The following CCDC191 variants were observed in gnomAD, a reference collection of about 807,000 sequenced individuals.
The protein encoded by CCDC191 is coiled-coil domain-containing protein 191.
Under a neutral mutation model 114.0 loss-of-function variants are expected in CCDC191, and 99 were observed. That is an observed-to-expected ratio of 0.87 (90% confidence interval 0.74 to 1.03). CCDC191 has a LOEUF of 1.03. CCDC191 is among the 50% of genes least tolerant of loss of function. The probability of loss-of-function intolerance (pLI) is 0.00; values close to 1 mark genes in which losing one functional copy is unlikely to be tolerated. For synonymous variants in CCDC191, 351 were observed against 376.0 expected (o/e 0.93, Z 0.77); for missense variants, 973 against 1,087.0 (o/e 0.90, Z 1.47).
chr3:114,049,777 T>C (rs760465874), intron 2 of CCDC191, among the ~76,000 whole-genome samples: 5 of 152,236 alleles, frequency 3.3e-5, no homozygotes, highest in Non-Finnish European at 5.9e-5. Context: ...AATCTCTATA[T>C]TTGTTTGTGT....
chr3:114,038,711 A>C (rs2076520499), intron 4 of CCDC191, among the ~76,000 whole-genome samples: 1 of 152,214 alleles, frequency 6.6e-6, no homozygotes, highest in African/African-American at 2.4e-5. Context: ...CATAAAAAGG[A>C]ATGAGATCAT....
intron 16 of CCDC191, among the ~76,000 whole-genome samples, chr3:113,968,756 G>C (rs1471160435): frequency 6.6e-6 from 1 of 151,962 alleles, no homozygotes; most frequent in Non-Finnish European, 1.5e-5. Context: ...CACTATAATG[G>C]ACTTGCCCAT....
At chr3:114,013,199 T>C (rs2076101627) in intron 8 of CCDC191, among the ~76,000 whole-genome samples, 1 of 151,922 alleles carries the variant, frequency 6.6e-6, no homozygotes, top group African/African-American at 2.4e-5. Context: ...TGAGCCGAGA[T>C]TGTGCCACTG....
chr3:113,989,737 C>A (rs1577362564), intron 13 of CCDC191, among the ~76,000 whole-genome samples: 2 of 152,094 alleles, frequency 1.3e-5, no homozygotes, highest in East Asian at 3.9e-4. Flanking sequence ...TGTAATCTTA[C>A]CACTTTGGGA....
At chr3:114,028,932 G>A (rs897584429) in intron 7 of CCDC191, among the ~76,000 whole-genome samples, 1 of 150,588 alleles carries the variant, frequency 6.6e-6, no homozygotes, top group Non-Finnish European at 1.5e-5. Context: ...ATGTATGTTA[G>A]TATACATACA....
At chr3:114,044,309 G>A (rs2107751427) in intron 3 of CCDC191, among the ~76,000 whole-genome samples, 1 of 152,228 alleles carries the variant, frequency 6.6e-6, no homozygotes, top group Admixed American at 6.5e-5. Context: ...CAAAGAGTGT[G>A]ATATCCTGAA....
At chr3:114,046,835 G>C in intron 2 of CCDC191, 103 bp from the exon 3 acceptor site, 1 of 1,411,354 alleles carries the variant, frequency 7.1e-7, no homozygotes, top group Non-Finnish European at 9.2e-7. Flanking sequence ...CACCTACTAA[G>C]ATTCGTTCAT....
At chr3:114,011,776 T>G (rs1224974912) in intron 8 of CCDC191, among the ~76,000 whole-genome samples, 1 of 152,184 alleles carries the variant, frequency 6.6e-6, no homozygotes, top group Non-Finnish European at 1.5e-5. Context: ...GGTTGGGATG[T>G]GGTGTTACTG....
intron 2 of CCDC191, among the ~76,000 whole-genome samples, chr3:114,047,901 GGA>G (rs1357848805): frequency 6.6e-6 from 1 of 152,018 alleles, no homozygotes; most frequent in Non-Finnish European, 1.5e-5. Flanking sequence ...CTTGAACCCG[GGA>G]GGCAGAGGTT....
At chr3:113,972,269 T>A (rs2107575143) in intron 16 of CCDC191, among the ~76,000 whole-genome samples, 1 of 152,260 alleles carries the variant, frequency 6.6e-6, no homozygotes, top group Non-Finnish European at 1.5e-5. Context: ...GATTTTGATC[T>A]ATGATATTTC....
chr3:114,029,269 T>C (rs1258096890), intron 7 of CCDC191, among the ~76,000 whole-genome samples: 1 of 152,094 alleles, frequency 6.6e-6, no homozygotes, highest in East Asian at 1.9e-4. Context: ...ATAGACACGT[T>C]GAAACAATCT....
At chr3:113,996,193 G>A (rs1304628547) in intron 13 of CCDC191, among the ~76,000 whole-genome samples, 2 of 152,098 alleles carry the variant, frequency 1.3e-5, no homozygotes, top group Non-Finnish European at 2.9e-5. Context: ...CCATGCCTAT[G>A]TCCTGAATGG....
rs375228287 is a variant in CCDC191, at chr3:114,056,491, G to T, written c.-25C>A. On this transcript the variant is annotated 5_prime_UTR_variant, in exon 1 of 17. Coordinates refer to ENST00000295878, the MANE Select transcript of CCDC191 (RefSeq NM_020817.2). ...TTTTCCAAGTTCGAGCCCGAACCTCGGCCAAAGCTGCAGCAACCGCCCTTC... is the reference window on the plus strand; with the variant it reads ...TTTTCCAAGTTCGAGCCCGAACCTCTGCCAAAGCTGCAGCAACCGCCCTTC... 2 of 1,613,762 alleles carry T rather than the reference G, an allele frequency of 1.2e-6. No individual in the cohort carries two copies. The highest frequency in any genetic ancestry group is 1.3e-5 in the African/African-American group (1 of 74,902).
chr3:113,968,318 A>G (rs1940423918), intron 16 of CCDC191, among the ~76,000 whole-genome samples: 1 of 152,212 alleles, frequency 6.6e-6, no homozygotes, highest in Non-Finnish European at 1.5e-5. Flanking sequence ...CTTTGATAAA[A>G]GCCATTTTAC....
In CCDC191 at chr3:114,056,491, G is replaced by GGCCAAAGCTGCAGCAACC; in HGVS notation, c.-43_-26dup. On this transcript the variant is annotated 5_prime_UTR_variant, in exon 1 of 17. Coordinates refer to ENST00000295878, the MANE Select transcript of CCDC191 (RefSeq NM_020817.2). The stretch of plus-strand genomic sequence containing the variant: ...TTTTCCAAGTTCGAGCCCGAACCTC[G>GGCCAAAGCTGCAGCAACC]GCCAAAGCTGCAGCAACCGCCCTTC... 1 of 1,613,882 alleles carries GGCCAAAGCTGCAGCAACC rather than the reference G, an allele frequency of 6.2e-7. No individual in the cohort carries two copies. Among genetic ancestry groups the GGCCAAAGCTGCAGCAACC allele is most frequent in the East Asian group, 2.2e-5 (1 of 44,874 alleles).
At chr3:113,984,991 C>T (rs907276506) in intron 13 of CCDC191, among the ~76,000 whole-genome samples, 6 of 152,096 alleles carry the variant, frequency 3.9e-5, no homozygotes, top group Non-Finnish European at 2.9e-5. Flanking sequence ...CATTTGTTTA[C>T]CGGAGGCAGA....
chr3:113,980,555 C>T (rs1387125898), intron 14 of CCDC191, 95 bp downstream of exon 14: 2 of 1,180,228 alleles, frequency 1.7e-6, no homozygotes, highest in African/African-American at 3.2e-5. Context: ...GGCTTTAAAT[C>T]ACCAAACCCT....
In CCDC191 at chr3:114,001,614, T is replaced by C; in HGVS notation, c.2144A>G (p.Glu715Gly). The C allele has an allele frequency of 6.2e-7, 1 of 1,613,874 alleles. No homozygotes were observed. Residue 715 changes from glutamate (E) to glycine (G), a missense_variant, in exon 13 of 17, where the codon GAG becomes GGG. Glu to Gly is a moderately conservative substitution (Grantham distance 98). Coordinates refer to ENST00000295878, the MANE Select transcript of CCDC191 (RefSeq NM_020817.2). ...ACTAACCATTTTCTTCAGTCTCTTC[T>C]CTTCTCGTTTTCTTTCAAGCTGTGC... ...KEAQLERKRE[E>G]KRLKKMKELE... is the part of the protein sequence containing the mutation.
chr3:113,969,886 ATGT>A (rs1940626507), intron 16 of CCDC191, among the ~76,000 whole-genome samples: 1 of 152,126 alleles, frequency 6.6e-6, no homozygotes, highest in Non-Finnish European at 1.5e-5. Context: ...TCCGTGAAGA[ATGT>A]TGTTGGTATT....
Sources: allele counts gnomAD v4.1 joint callset (sites outside exome capture counted in the v4.1 genomes callset), GRCh38; gene constraint gnomAD v4.1.1; transcripts MANE v1.5; gene names NCBI Gene and HGNC (gene_info 2026-07-23, HGNC 2026-07-21).